NRXN3: variants seen among roughly 807,000 people sequenced by gnomAD.
The protein encoded by NRXN3 is neurexin 3, also known as neurexin III.
In NRXN3, 32 loss-of-function variants were observed where a neutral mutation model predicts 137.6. The observed-to-expected ratio is 0.23, with a 90% CI of 0.18 to 0.31. The LOEUF (loss-of-function observed/expected upper bound fraction) is 0.31, where lower values mean the gene tolerates loss of function less well. NRXN3 is among the 10% of genes least tolerant of loss of function. The pLI is 1.00. For missense variants in NRXN3, 1,574 were observed against 2,062.5 expected, an observed-to-expected ratio of 0.76 and a Z score of 4.59; for synonymous variants, 798 against 784.5, an observed-to-expected ratio of 1.02 and a Z score of -0.29.
chr14:79,388,448 G>T (rs745542994), intron 15 of NRXN3, among the ~76,000 whole-genome samples: 2 of 151,970 alleles, frequency 1.3e-5, no homozygotes, highest in Non-Finnish European at 2.9e-5. Context: ...GCCCTGTTCA[G>T]CTTTGAGGAG....
intron 14 of NRXN3, among the ~76,000 whole-genome samples, chr14:78,971,203 A>G (rs192335444): frequency 3.3e-5 from 5 of 152,222 alleles, no homozygotes; most frequent in Admixed American, 3.3e-4. Flanking sequence ...AAAAGGCATC[A>G]TTTTTATTCT....
chr14:78,302,395 G>A (rs1331835077), intron 4 of NRXN3, among the ~76,000 whole-genome samples: 4 of 152,042 alleles, frequency 2.6e-5, no homozygotes, highest in African/African-American at 9.7e-5. Context: ...GTAGGTGGTG[G>A]CATTATTCTT....
chr14:78,617,314 C>T (rs556573459), intron 4 of NRXN3, among the ~76,000 whole-genome samples: 1 of 152,212 alleles, frequency 6.6e-6, no homozygotes, highest in Non-Finnish European at 1.5e-5. Flanking sequence ...GAATACACAT[C>T]TCCATCCCAC....
intron 15 of NRXN3, among the ~76,000 whole-genome samples, chr14:79,381,615 T>C (rs990387411): frequency 6.6e-6 from 1 of 152,192 alleles, no homozygotes; most frequent in Non-Finnish European, 1.5e-5. Context: ...CTATGTATAA[T>C]GCATAATTCT....
At chr14:79,695,086 C>T (rs761587436) in intron 18 of NRXN3, among the ~76,000 whole-genome samples, 3 of 151,914 alleles carry the variant, frequency 2.0e-5, no homozygotes, top group Non-Finnish European at 2.9e-5. Flanking sequence ...GCCCAGGAAA[C>T]CTGCCTTGCC....
chr14:78,779,667 A>G (rs2098761668), intron 8 of NRXN3, among the ~76,000 whole-genome samples: 1 of 152,228 alleles, frequency 6.6e-6, no homozygotes, highest in Admixed American at 6.5e-5. Context: ...CTCTCCCTAC[A>G]ATTATAATTA....
chr14:78,855,755 T>A (rs1383896572), intron 10 of NRXN3, among the ~76,000 whole-genome samples: 1 of 152,238 alleles, frequency 6.6e-6, no homozygotes, highest in Non-Finnish European at 1.5e-5. Context: ...CAGTGGAGAT[T>A]CGTTCATGAT....
At chr14:79,020,862 T>TACACACACAC (rs3035451) in intron 15 of NRXN3, among the ~76,000 whole-genome samples, 2,407 of 145,158 alleles carry the variant, frequency 0.017, 49 homozygotes, top group East Asian at 0.13. Flanking sequence ...GCTTGCATTT[T>TACACACACAC]ACACACACAC....
At chr14:79,616,832 CCTT>C (rs1462775022) in intron 16 of NRXN3, among the ~76,000 whole-genome samples, 2 of 152,132 alleles carry the variant, frequency 1.3e-5, no homozygotes, top group African/African-American at 2.4e-5. Context: ...TAGTCGAACT[CCTT>C]CTTTCATAGA....
chr14:78,918,740 A>G (rs1383032013), intron 10 of NRXN3, among the ~76,000 whole-genome samples: 1 of 152,176 alleles, frequency 6.6e-6, no homozygotes. Flanking sequence ...TATATTTTTT[A>G]TGTGTAGGTA....
intron 10 of NRXN3, among the ~76,000 whole-genome samples, chr14:78,871,724 A>G (rs1447504733): frequency 6.6e-6 from 1 of 152,106 alleles, no homozygotes; most frequent in Admixed American, 6.6e-5. Context: ...TCCAGTCTCT[A>G]TTTAATCCAA....
At chr14:79,575,808 CA>C (rs2097659084) in intron 16 of NRXN3, among the ~76,000 whole-genome samples, 1 of 152,114 alleles carries the variant, frequency 6.6e-6, no homozygotes, top group Admixed American at 6.6e-5. Flanking sequence ...TCCTGTTTTT[CA>C]TATGCATTTG....
At chr14:79,599,007 A>G (rs1248004056) in intron 16 of NRXN3, among the ~76,000 whole-genome samples, 2 of 152,184 alleles carry the variant, frequency 1.3e-5, no homozygotes, top group Non-Finnish European at 1.5e-5. Flanking sequence ...ATTGCACTCA[A>G]GCTTAACTCT....
chr14:79,287,967 G>T (rs2153455074), intron 15 of NRXN3, among the ~76,000 whole-genome samples: 1 of 152,236 alleles, frequency 6.6e-6, no homozygotes, highest in Non-Finnish European at 1.5e-5. Flanking sequence ...ATTTGAGTGA[G>T]ATGATCTCTC....
intron 16 of NRXN3, among the ~76,000 whole-genome samples, chr14:79,519,768 C>CTTTTTTTTTTTTTTTTTTTTTTTTT (rs200757761): frequency 1.7e-5 from 2 of 119,400 alleles, no homozygotes; most frequent in Non-Finnish European, 1.8e-5. Context: ...AATAGTATTT[C>CTTTTTTTTTTTTTTTTTTTTTTTTT]TTTTTTTTTT....
chr14:78,194,103 C>T (rs771319593), intron 1 of NRXN3, among the ~76,000 whole-genome samples: 12 of 152,184 alleles, frequency 7.9e-5, no homozygotes, highest in African/African-American at 2.7e-4. Flanking sequence ...ACATGATGTG[C>T]GACCCACATC....
chr14:79,319,916 G>A (rs1246540139), intron 15 of NRXN3, among the ~76,000 whole-genome samples: 3 of 152,146 alleles, frequency 2.0e-5, no homozygotes, highest in Admixed American at 2.0e-4. Flanking sequence ...TCCCTGAAAT[G>A]CCCAAGGGTG....
chr14:78,385,290 A>AACACAC (rs34246142), intron 4 of NRXN3, among the ~76,000 whole-genome samples: 2 of 147,378 alleles, frequency 1.4e-5, no homozygotes, highest in East Asian at 2.0e-4. Flanking sequence ...AACTTTAAGC[A>AACACAC]ACACACACAC....
At chr14:79,132,442 T>C (rs572701782) in intron 15 of NRXN3, among the ~76,000 whole-genome samples, 2 of 152,346 alleles carry the variant, frequency 1.3e-5, no homozygotes, top group African/African-American at 4.8e-5. Context: ...ACATTTACAA[T>C]TTTAAATTTT....
Sources: gnomAD v4.1 joint callset for allele counts (sites outside exome capture counted in the v4.1 genomes callset) on GRCh38, gnomAD v4.1.1 for gene constraint, MANE v1.5 for transcripts, NCBI Gene and HGNC (gene_info 2026-07-23, HGNC 2026-07-21) for gene names.